PARP4: variants seen among roughly 807,000 people sequenced by gnomAD.
The protein encoded by PARP4 is protein mono-ADP-ribosyltransferase PARP4.
Under a neutral mutation model 187.7 loss-of-function variants are expected in PARP4, and 120 were observed. That is an observed-to-expected ratio of 0.64 (90% CI 0.55 to 0.74). The LOEUF is 0.74. Ranked by LOEUF, PARP4 falls within the 30% of genes least tolerant of loss-of-function variation. The probability of loss-of-function intolerance (pLI) is 0.00; values close to 1 mark genes in which losing one functional copy is unlikely to be tolerated. For synonymous variants in PARP4, 654 were observed against 740.9 expected (o/e 0.88, Z 1.90); for missense variants, 1,836 against 2,070.5 (o/e 0.89, Z 2.20).
intron 17 of PARP4, among the ~76,000 whole-genome samples, chr13:24,468,304 G>A (rs537627418): frequency 6.9e-4 from 105 of 152,142 alleles, no homozygotes; most frequent in Non-Finnish European, 1.3e-3. Context: ...ACAGGAGCTG[G>A]CCCAAGGAGG....
At chr13:24,456,283 C>T in intron 21 of PARP4, 58 bp downstream of exon 21, 1 of 1,406,758 alleles carries the variant, frequency 7.1e-7, no homozygotes, top group Non-Finnish European at 9.7e-7. Context: ...GTTTAACCAG[C>T]TTATTCTGAA....
rs59195808 is a variant in PARP4, at chr13:24,441,870, C to A, written c.3642G>T (p.Glu1214Asp). The A allele has an allele frequency of 1.9e-6, 3 of 1,545,192 alleles. No homozygotes were observed. The highest frequency in any genetic ancestry group is 1.8e-5 in the Admixed American group (1 of 54,704). Residue 1214 changes from glutamate (E) to aspartate (D), a missense_variant, in exon 30 of 34, where the codon GAG (glutamate) becomes GAT (aspartate). Physicochemically the swap from Glu to Asp is conservative, Grantham distance 45. Coordinates refer to ENST00000381989, the MANE Select transcript of PARP4 (RefSeq NM_006437.4). ...CCTGGTTCCTGACGGCTTCTTGGGG[C>A]TCCCCCTGCCAGCTCATGTAGGGCA... ...DFLPYMSWQG[E>D]PQEAVRNQSL... is the part of the protein sequence containing the mutation.
At chr13:24,495,749 G>A (rs1013379260) in intron 6 of PARP4, among the ~76,000 whole-genome samples, 15 of 152,200 alleles carry the variant, frequency 9.9e-5, no homozygotes, top group African/African-American at 3.6e-4. Flanking sequence ...CCCAGATAGG[G>A]GGGCCGCAGG....
intron 31 of PARP4, among the ~76,000 whole-genome samples, chr13:24,432,919 G>A (rs929133253): frequency 9.9e-5 from 15 of 152,134 alleles, no homozygotes; most frequent in Admixed American, 6.5e-5. Flanking sequence ...TCCTAGGCAG[G>A]TGCACAGGTT....
chr13:24,459,978 G>A lies in PARP4; in HGVS notation c.2292C>T (p.Asn764=). 1 of 1,613,636 alleles carries A rather than the reference G, an allele frequency of 6.2e-7. No homozygotes were observed. Among genetic ancestry groups the A allele is most frequent in the South Asian group, 1.1e-5 (1 of 90,958 alleles). Residue 764 remains asparagine (N), a synonymous_variant, in exon 18 of 34, where the codon AAC becomes AAT. Transcript: ENST00000381989. ...AAATCTTATGCGTACAAACCTGAAG[G>A]TTTTCATTCAAAGCCTTGTCCTGTT... is the stretch of plus-strand genomic sequence containing the variant. ...PWQQDKALNE[N]LQDTVEKICI... is the part of the protein sequence containing the mutation.
intron 15 of PARP4, 107 bp from the exon 16 acceptor site, chr13:24,470,132 A>G: frequency 9.4e-7 from 1 of 1,063,144 alleles, no homozygotes; most frequent in East Asian, 2.6e-5. Flanking sequence ...ATTTCCTTGA[A>G]TTTGTATCAC....
chr13:24,482,084 T>C (rs1873309779), intron 12 of PARP4, among the ~76,000 whole-genome samples: 1 of 152,194 alleles, frequency 6.6e-6, no homozygotes, highest in Non-Finnish European at 1.5e-5. Flanking sequence ...CTTTGAGGGG[T>C]TCAAACTTCA....
chr13:24,507,356 T>C (rs1869769960), intron 1 of PARP4, among the ~76,000 whole-genome samples: 1 of 152,344 alleles, frequency 6.6e-6, no homozygotes, highest in Admixed American at 6.5e-5. Flanking sequence ...CCTGTGTGTG[T>C]TGGATGGTGG....
intron 25 of PARP4, among the ~76,000 whole-genome samples, chr13:24,448,080 G>A (rs9511275): frequency 0.83 from 125,767 of 151,810 alleles, 54,542 homozygotes; most frequent in East Asian, 0.98. Flanking sequence ...GTGTGGTGGT[G>A]TGGGCCTGTT....
At chr13:24,507,968 C>A (rs918164243) in intron 1 of PARP4, among the ~76,000 whole-genome samples, 3 of 152,198 alleles carry the variant, frequency 2.0e-5, no homozygotes, top group Non-Finnish European at 2.9e-5. Context: ...TTTAATCTTT[C>A]TTTTGAGGTC....
At chr13:24,428,501 A>G (rs1466314498) in intron 32 of PARP4, among the ~76,000 whole-genome samples, 1 of 152,128 alleles carries the variant, frequency 6.6e-6, no homozygotes, top group Non-Finnish European at 1.5e-5. Flanking sequence ...TTTATCTTGA[A>G]TTTTTATCTC....
chr13:24,437,263 T>TA (rs139062459), intron 30 of PARP4, among the ~76,000 whole-genome samples: 5,362 of 152,124 alleles, frequency 0.035, 324 homozygotes, highest in African/African-American at 0.12. Flanking sequence ...AAAACTATTT[T>TA]AAAAATAAAG....
Position 24,503,779 on chromosome 13 carries a change from T to C in PARP4, c.-1-2A>G, listed in dbSNP as rs1175289761. On this transcript the variant is annotated splice_acceptor_variant, in intron 1 of 33. Coordinates refer to ENST00000381989, the MANE Select transcript of PARP4 (RefSeq NM_006437.4). LOFTEE classifies it low-confidence loss of function (5UTR_SPLICE). ...TTTGCAAAGATTCCCATCACCATCC[T>C]GTAGGAAAAAAAGTTTTTAAGGACC... 3.7e-6 allele frequency: 6 copies of C among 1,613,050 alleles called. No individual in the cohort carries two copies. In the African/African-American group the frequency reaches 6.7e-5, roughly 18 times the overall value.
chr13:24,511,621 C>T (rs1251736168), intron 1 of PARP4, among the ~76,000 whole-genome samples: 2 of 152,218 alleles, frequency 1.3e-5, no homozygotes, highest in South Asian at 4.1e-4. Flanking sequence ...GTCTTTACCA[C>T]TGGCATTTCC....
chr13:24,491,294 G>T (rs945800199), intron 9 of PARP4, among the ~76,000 whole-genome samples: 1 of 151,968 alleles, frequency 6.6e-6, no homozygotes, highest in Non-Finnish European at 1.5e-5. Flanking sequence ...CTAACTTCTT[G>T]TATTTTTAAT....
chr13:24,455,681 G>T (rs182330660), intron 21 of PARP4, among the ~76,000 whole-genome samples: 1 of 136,102 alleles, frequency 7.3e-6, no homozygotes, highest in Non-Finnish European at 1.5e-5. Context: ...GCAGTGGCAC[G>T]ATCACAGCTC....
At chr13:24,457,272 CAA>C (rs1295765519) in intron 20 of PARP4, among the ~76,000 whole-genome samples, 2 of 152,162 alleles carry the variant, frequency 1.3e-5, no homozygotes, top group East Asian at 3.8e-4. Flanking sequence ...CACATGACCA[CAA>C]AGTCTCTCCA....
chr13:24,434,170 A>G (rs1164258484), intron 31 of PARP4, among the ~76,000 whole-genome samples: 108 of 152,174 alleles, frequency 7.1e-4, no homozygotes, highest in African/African-American at 2.3e-3. Flanking sequence ...ATGTTTGTAG[A>G]GAAACACCAG....
chr13:24,493,237 C>G (rs1447652954), intron 8 of PARP4, among the ~76,000 whole-genome samples: 1 of 152,186 alleles, frequency 6.6e-6, no homozygotes, highest in African/African-American at 2.4e-5. Flanking sequence ...TGTGGAGTCA[C>G]TAGGAAATGG....
Sources: gnomAD v4.1 joint callset for allele counts (sites outside exome capture counted in the v4.1 genomes callset) on GRCh38, gnomAD v4.1.1 for gene constraint, MANE v1.5 for transcripts, NCBI Gene and HGNC (gene_info 2026-07-23, HGNC 2026-07-21) for gene names.